The following SEC14L3 variants were observed in gnomAD, a reference collection of about 807,000 sequenced individuals.
SEC14L3 encodes the protein SEC14 like lipid binding 3.
SEC14L3 carries 56 observed loss-of-function variants against 57.4 expected under a neutral mutation model. The ratio of observed to expected loss-of-function variants is 0.97; its 90% CI spans 0.79 to 1.22. SEC14L3 has a LOEUF of 1.22. Among genes scored for constraint, SEC14L3 ranks in the 50% most tolerant of loss-of-function variants. SEC14L3 has a pLI of 0.00. For missense variants in SEC14L3, 485 were observed against 511.7 expected (o/e 0.95, Z 0.50); for synonymous variants, 173 against 194.4 (o/e 0.89, Z 0.92).
chr22:30,450,331 A>C (rs987932243), intron 12 of SEC14L3, among the ~76,000 whole-genome samples: 13 of 151,726 alleles, frequency 8.6e-5, no homozygotes, highest in African/African-American at 3.2e-4. Context: ...TTTGAGACGG[A>C]ATCTCTCTCT....
chr22:30,468,867 G>A (rs939534538), intron 4 of SEC14L3, 171 bp from the exon 5 acceptor site: 7 of 1,546,824 alleles, frequency 4.5e-6, no homozygotes, highest in African/African-American at 1.4e-5. Context: ...CTGCAGGGGA[G>A]GGCCTTGCTC....
chr22:30,461,199 G>A (rs1362123957), intron 11 of SEC14L3, 111 bp downstream of exon 11: 2 of 1,310,642 alleles, frequency 1.5e-6, no homozygotes, highest in Non-Finnish European at 1.0e-6. Context: ...AACCTAGGCT[G>A]TGTGTCCCTG....
At chr22:30,454,568 T>G (rs974047523), downstream of SEC14L3, among the ~76,000 whole-genome samples, 3 of 121,546 alleles carry the variant, frequency 2.5e-5, no homozygotes, top group African/African-American at 6.6e-5. Flanking sequence ...AATAATATTA[T>G]ATATAATCTA....
intron 6 of SEC14L3, among the ~76,000 whole-genome samples, 178 bp downstream of exon 6, chr22:30,466,804 G>A (rs922550297): frequency 2.2e-4 from 33 of 152,116 alleles, no homozygotes; most frequent in Non-Finnish European, 8.8e-5. Context: ...TGTTGTCCCT[G>A]AAACCCATTC....
chr22:30,470,930 T>C (rs184242024), intron 1 of SEC14L3, among the ~76,000 whole-genome samples: 1 of 151,662 alleles, frequency 6.6e-6, no homozygotes, highest in African/African-American at 2.4e-5. Flanking sequence ...GGGTGGGTGA[T>C]TGAGAGAAAG....
chr22:30,468,418 T>A, intron 5 of SEC14L3, 90 bp downstream of exon 5: 2 of 931,466 alleles, frequency 2.1e-6, no homozygotes, highest in Admixed American at 4.1e-5. Context: ...CTGACTGTGG[T>A]TGTAGAGAAC....
At chr22:30,448,967 C>A (rs1331174565) in exon 13 of SEC14L3, 6 of 894,436 alleles carry the variant, frequency 6.7e-6, no homozygotes, top group African/African-American at 1.7e-5. Context: ...GTATAGATAA[C>A]CCCTCTTAGA....
downstream of SEC14L3, among the ~76,000 whole-genome samples, chr22:30,458,358 C>G (rs1935155369): frequency 6.6e-6 from 1 of 152,146 alleles, no homozygotes; most frequent in African/African-American, 2.4e-5. Flanking sequence ...CAAGCCCTGC[C>G]CCACTCTGCT....
chr22:30,462,799 G>A (rs141761174), intron 8 of SEC14L3, among the ~76,000 whole-genome samples: 2,445 of 150,466 alleles, frequency 0.016, 41 homozygotes, highest in Middle Eastern at 0.042. Flanking sequence ...GTGCAGTGGT[G>A]TGGTCTCAGC....
At chr22:30,449,036 G>A (rs1934930869) in exon 13 of SEC14L3, 26 of 1,522,604 alleles carry the variant, frequency 1.7e-5, no homozygotes, top group Admixed American at 2.0e-5. Flanking sequence ...TGGAGACCAC[G>A]TAGGGGGTGA....
chr22:30,455,072 A>ATTAAATATT (rs1201955943), downstream of SEC14L3, among the ~76,000 whole-genome samples: 681 of 81,602 alleles, frequency 8.3e-3, 8 homozygotes, highest in African/African-American at 0.035. Context: ...TATATAATAT[A>ATTAAATATT]TAATATATTA....
intron 12 of SEC14L3, among the ~76,000 whole-genome samples, chr22:30,450,148 G>A (rs1221995680): frequency 2.0e-5 from 3 of 152,148 alleles, no homozygotes; most frequent in African/African-American, 7.2e-5. Flanking sequence ...TGGGCACGAT[G>A]TAGTTCAACA....
chr22:30,465,567 ATCT>A (rs1935392287), intron 7 of SEC14L3, among the ~76,000 whole-genome samples: 1 of 152,190 alleles, frequency 6.6e-6, no homozygotes, highest in Non-Finnish European at 1.5e-5. Context: ...CCAAATAATC[ATCT>A]AAGATTCAGC....
exon 13 of SEC14L3, chr22:30,448,708 C>CA (rs11374775): frequency 0.65 from 97,674 of 150,950 alleles, 31,617 homozygotes; most frequent in East Asian, 0.81. Context: ...TCATCTCTAC[C>CA]AAAAAAAAAA....
rs1012264051 is a variant in SEC14L3, at chr22:30,452,017, G to A, written c.905-2773C>T. 9.8e-3 allele frequency among the ~76,000 whole-genome samples: 964 copies of A among 98,314 alleles called. 8 individuals carry two copies. The highest frequency in any genetic ancestry group is 0.025 in the Middle Eastern group (5 of 202). The allele number at this position is 98,314 out of a possible 152,430, so 64.5% of individuals were successfully genotyped here. On this transcript the variant is annotated intron_variant, in intron 12 of 12. Transcript: ENST00000403066. ...AAAAAAAAAAAAAAAAAAGAAAAAA[G>A]AAAAGAAAAGAAAAGAAAAGAAAGA...
At chr22:30,456,408 CAG>C (rs1044535728), downstream of SEC14L3, among the ~76,000 whole-genome samples, 1 of 151,462 alleles carries the variant, frequency 6.6e-6, no homozygotes, top group African/African-American at 2.4e-5. Flanking sequence ...GCAGGATGTA[CAG>C]AAAGCATGGT....
chr22:30,454,869 C>A (rs143861112), downstream of SEC14L3, among the ~76,000 whole-genome samples: 3 of 14,800 alleles, frequency 2.0e-4, no homozygotes, highest in African/African-American at 4.3e-4. Context: ...TTATATAATA[C>A]ATAATATATT....
chr22:30,470,427 C>A, intron 2 of SEC14L3, 80 bp downstream of exon 2: 5 of 1,605,912 alleles, frequency 3.1e-6, no homozygotes, highest in Non-Finnish European at 3.4e-6. Context: ...ACCCTGAGAG[C>A]CATGAGACAC....
exon 13 of SEC14L3, chr22:30,448,225 C>T (rs1934915045): frequency 6.6e-6 from 1 of 152,272 alleles, no homozygotes; most frequent in South Asian, 2.1e-4. Flanking sequence ...CTGTGAGTCA[C>T]TCTGCTGGGT....
Sources: allele counts gnomAD v4.1 joint callset (sites outside exome capture counted in the v4.1 genomes callset), GRCh38; gene constraint gnomAD v4.1.1; transcripts MANE v1.5; gene names NCBI Gene and HGNC (gene_info 2026-07-23, HGNC 2026-07-21).